PCMT1: variants seen among roughly 807,000 people sequenced by gnomAD.
The protein encoded by PCMT1 is protein-L-isoaspartate (D-aspartate) O-methyltransferase.
A neutral mutation model predicts 29.2 loss-of-function variants in PCMT1; 9 were observed. The ratio of observed to expected loss-of-function variants is 0.31; its 90% CI spans 0.19 to 0.54. The LOEUF (loss-of-function observed/expected upper bound fraction) is 0.54, where lower values mean the gene tolerates loss of function less well. Among genes scored for constraint, PCMT1 ranks in the 20% least tolerant of loss-of-function variants. The pLI, the probability that PCMT1 is intolerant of heterozygous loss-of-function variation, is 0.95. For missense variants in PCMT1, 184 were observed against 282.2 expected (o/e 0.65, Z 2.49); for synonymous variants, 98 against 97.5 (o/e 1.00, Z -0.03).
intron 3 of PCMT1, among the ~76,000 whole-genome samples, chr6:149,784,240 T>C (rs113079491): frequency 0.025 from 3,792 of 152,322 alleles, 157 homozygotes; most frequent in African/African-American, 0.085. Context: ...ATTCAAGGCC[T>C]TCTCTCCATA....
At chr6:149,789,734 T>A (rs1788276267) in intron 3 of PCMT1, among the ~76,000 whole-genome samples, 1 of 152,062 alleles carries the variant, frequency 6.6e-6, no homozygotes, top group South Asian at 2.1e-4. Context: ...AAGTTAAAAA[T>A]TCACACACTG....
At chr6:149,751,476 C>CTTTTTTTTTTTTTTTTTT (rs76128652) in intron 1 of PCMT1, among the ~76,000 whole-genome samples, 1 of 116,558 alleles carries the variant, frequency 8.6e-6, no homozygotes. Context: ...ATGGTTGGTA[C>CTTTTTTTTTTTTTTTTTT]TTTTTTTTTT....
intron 7 of PCMT1, among the ~76,000 whole-genome samples, chr6:149,806,784 G>GT (rs369801410): frequency 2.0e-4 from 31 of 152,086 alleles, no homozygotes; most frequent in African/African-American, 7.2e-4. Context: ...TAGACAAGGG[G>GT]TTTTGCCATG....
intron 3 of PCMT1, among the ~76,000 whole-genome samples, chr6:149,776,621 C>T (rs1583026965): frequency 6.6e-6 from 1 of 152,166 alleles, no homozygotes; most frequent in East Asian, 1.9e-4. Flanking sequence ...TTTGTTACCC[C>T]AGGTTGGTCG....
At chr6:149,807,434 C>T (rs558009552) in intron 7 of PCMT1, among the ~76,000 whole-genome samples, 164 of 152,152 alleles carry the variant, frequency 1.1e-3, no homozygotes, top group African/African-American at 3.0e-3. Context: ...TGCAGTGATG[C>T]GATCTTGGCT....
At chr6:149,757,974 T>C (rs1583003418) in intron 1 of PCMT1, among the ~76,000 whole-genome samples, 1 of 151,998 alleles carries the variant, frequency 6.6e-6, no homozygotes, top group East Asian at 1.9e-4. Context: ...CCTCTGCCTC[T>C]CCGGTTTAAG....
chr6:149,764,910 G>T (rs993314790), intron 1 of PCMT1, among the ~76,000 whole-genome samples: 1 of 150,274 alleles, frequency 6.7e-6, no homozygotes, highest in African/African-American at 2.5e-5. Flanking sequence ...TCGTGGTGGC[G>T]GGTGCCTGTA....
At chr6:149,789,157 A>G (rs1226728289) in intron 3 of PCMT1, among the ~76,000 whole-genome samples, 2 of 148,202 alleles carry the variant, frequency 1.3e-5, no homozygotes, top group Non-Finnish European at 1.5e-5. Flanking sequence ...GATCACTGCA[A>G]TCTCCCCGTC....
chr6:149,749,879 A>G lies in PCMT1; in HGVS notation c.-23A>G. On this transcript the variant is annotated 5_prime_UTR_variant, in exon 1 of 8. Transcript: ENST00000464889. ...GTCGTCGCGCTGAAGGTGGTTCTGT[A>G]CCTGCTCCGAGTGTGCTTAGCGATG... The G allele has an allele frequency of 6.2e-7, 1 of 1,605,020 alleles. No homozygotes were observed.
intron 1 of PCMT1, among the ~76,000 whole-genome samples, chr6:149,756,035 C>T (rs1786490788): frequency 6.6e-6 from 1 of 152,106 alleles, no homozygotes; most frequent in Non-Finnish European, 1.5e-5. Flanking sequence ...AGGCAAGGAT[C>T]CAACACCAAG....
At chr6:149,799,156 A>T (rs1458950529) in intron 6 of PCMT1, 1 of 152,046 alleles carries the variant, frequency 6.6e-6, no homozygotes, top group Non-Finnish European at 1.5e-5. Flanking sequence ...GTACAAAAAA[A>T]TTTTAAAATT....
chr6:149,761,878 A>G (rs1786755932), intron 1 of PCMT1, among the ~76,000 whole-genome samples: 1 of 152,202 alleles, frequency 6.6e-6, no homozygotes, highest in Non-Finnish European at 1.5e-5. Flanking sequence ...GAAAATCAGT[A>G]GCCATCATTA....
At chr6:149,806,624 C>T (rs1359590850) in intron 7 of PCMT1, among the ~76,000 whole-genome samples, 2 of 152,306 alleles carry the variant, frequency 1.3e-5, no homozygotes, top group Non-Finnish European at 2.9e-5. Flanking sequence ...CAGTCTCTCT[C>T]TGTCACCCAG....
intron 3 of PCMT1, among the ~76,000 whole-genome samples, chr6:149,786,844 G>A (rs2115300468): frequency 6.7e-6 from 1 of 149,232 alleles, no homozygotes; most frequent in South Asian, 2.1e-4. Flanking sequence ...GATGGCGGCT[G>A]GGCAGAGACG....
At chr6:149,772,278 A>G in intron 2 of PCMT1, 1 of 342,270 alleles carries the variant, frequency 2.9e-6, no homozygotes, top group Non-Finnish European at 5.7e-6. Context: ...CAACACCACA[A>G]GAAAAGAAAC....
chr6:149,780,348 A>T lies in PCMT1; in HGVS notation c.192+7179A>T, dbSNP rs547826136. On this transcript the variant is annotated intron_variant, in intron 3 of 7. Transcript: ENST00000464889. ...AGATCAAGACCCTGTCTCAGAAAAA[A>T]AAAAAAAAGGTATAATTCTTATACT... is the stretch of plus-strand genomic sequence containing the variant. 2.8e-4 allele frequency among the ~76,000 whole-genome samples: 43 copies of T among 152,168 alleles called. No individual in the cohort carries two copies. In the South Asian group the frequency reaches 8.3e-3, roughly 29 times the overall value.
chr6:149,766,894 C>A (rs1787108073), intron 1 of PCMT1, among the ~76,000 whole-genome samples: 1 of 152,122 alleles, frequency 6.6e-6, no homozygotes, highest in Non-Finnish European at 1.5e-5. Flanking sequence ...CACCTGGCTT[C>A]TTTCACTTAG....
intron 5 of PCMT1, among the ~76,000 whole-genome samples, chr6:149,793,939 C>T (rs1437940103): frequency 1.3e-5 from 2 of 152,026 alleles, no homozygotes; most frequent in African/African-American, 2.4e-5. Flanking sequence ...TTGTGAAGTA[C>T]CTGTTCAGAT....
Position 149,749,818 on chromosome 6 carries a change from G to C in PCMT1, c.-84G>C, listed in dbSNP as rs778715338. On this transcript the variant is annotated 5_prime_UTR_variant, in exon 1 of 8. Coordinates refer to ENST00000464889, the MANE Select transcript of PCMT1 (RefSeq NM_001360452.2). ...CGCGAGCGGGGCGGTGACGGTGTGG[G>C]AGGTGGTCTCACTCTTGGGAAAACT... 2.6e-5 allele frequency: 41 copies of C among 1,557,258 alleles called. No homozygotes were observed. The highest frequency in any genetic ancestry group is 3.5e-5 in the Non-Finnish European group (40 of 1,149,992).
Sources: allele counts gnomAD v4.1 joint callset (sites outside exome capture counted in the v4.1 genomes callset), GRCh38; gene constraint gnomAD v4.1.1; transcripts MANE v1.5; gene names NCBI Gene and HGNC (gene_info 2026-07-23, HGNC 2026-07-21).